Variants in UBL3 observed in about 807,000 individuals in gnomAD.
UBL3 encodes ubiquitin-like protein 3.
UBL3 carries 6 observed loss-of-function variants against 18.4 expected under a neutral mutation model. The observed-to-expected ratio is 0.33, with a 90% confidence interval of 0.18 to 0.64. The LOEUF (loss-of-function observed/expected upper bound fraction) is 0.64. Ranked by LOEUF, UBL3 falls within the 30% of genes least tolerant of loss-of-function variation. UBL3 has a pLI of 0.76. For missense variants in UBL3, 109 were observed against 142.9 expected, an observed-to-expected ratio of 0.76 and a Z score of 1.21; for synonymous variants, 49 against 46.6, an observed-to-expected ratio of 1.05 and a Z score of -0.21.
intron 1 of UBL3, among the ~76,000 whole-genome samples, chr13:29,842,134 CTTTTTTTT>C (rs201006689): frequency 7.0e-5 from 9 of 128,030 alleles, no homozygotes; most frequent in African/African-American, 2.7e-4. Flanking sequence ...CATTCTCTTT[CTTTTTTTT>C]TTTTTTTTTT....
At chr13:29,833,802 A>G (rs1303642052) in intron 1 of UBL3, among the ~76,000 whole-genome samples, 2 of 152,196 alleles carry the variant, frequency 1.3e-5, no homozygotes, top group Admixed American at 6.5e-5. Flanking sequence ...TGTAAACTCT[A>G]TTAGGAGAAG....
intron 1 of UBL3, among the ~76,000 whole-genome samples, chr13:29,834,054 G>T (rs1212896355): frequency 6.6e-6 from 1 of 152,056 alleles, no homozygotes; most frequent in Non-Finnish European, 1.5e-5. Flanking sequence ...GGCACAGGTG[G>T]CGCGTGCCTG....
At chr13:29,836,246 GC>G (rs1249032910) in intron 1 of UBL3, among the ~76,000 whole-genome samples, 1 of 152,136 alleles carries the variant, frequency 6.6e-6, no homozygotes, top group Non-Finnish European at 1.5e-5. Context: ...GGCTGATGGT[GC>G]CATGGTAAGT....
At chr13:29,777,325 C>G (rs111663540) in intron 1 of UBL3, 62 bp from the exon 2 acceptor site, 7 of 1,324,084 alleles carry the variant, frequency 5.3e-6, no homozygotes, top group African/African-American at 4.5e-5. Flanking sequence ...AAAAAGAAGA[C>G]TCAAAGGCTT....
rs117699597 is a variant in UBL3, at chr13:29,776,058, A to G, written c.136+1097T>C. Among the ~76,000 whole-genome samples, 10 of 152,286 alleles carry G rather than the reference A, an allele frequency of 6.6e-5. No individual in the cohort carries two copies. In the East Asian group the frequency reaches 1.4e-3, roughly 21 times the overall value. ...TTGACCTTATAGTAGTTCAGAGAAC[A>G]TAAGAACTGACATGAATTAGAAGTT... On this transcript the variant is annotated intron_variant, in intron 2 of 4. Coordinates refer to ENST00000380680, the MANE Select transcript of UBL3 (RefSeq NM_007106.4).
chr13:29,808,664 TC>T (rs1877957899), intron 1 of UBL3, among the ~76,000 whole-genome samples: 1 of 152,090 alleles, frequency 6.6e-6, no homozygotes, highest in Non-Finnish European at 1.5e-5. Context: ...ATGACTTACC[TC>T]CCAAAGTCAC....
At chr13:29,821,736 G>A (rs1483650510) in intron 1 of UBL3, among the ~76,000 whole-genome samples, 1 of 152,130 alleles carries the variant, frequency 6.6e-6, no homozygotes, top group Non-Finnish European at 1.5e-5. Context: ...GAGACCATAT[G>A]AAAATTTTTT....
At chr13:29,843,371 A>G (rs1050588494) in intron 1 of UBL3, among the ~76,000 whole-genome samples, 9 of 152,214 alleles carry the variant, frequency 5.9e-5, no homozygotes, top group Non-Finnish European at 1.3e-4. Context: ...TGCTATTACT[A>G]TTAACATATT....
At chr13:29,780,276 C>T (rs1877112994) in intron 1 of UBL3, among the ~76,000 whole-genome samples, 1 of 145,070 alleles carries the variant, frequency 6.9e-6, no homozygotes, top group East Asian at 2.1e-4. Flanking sequence ...ATGGCGTGAA[C>T]CTGGGAGGTG....
intron 1 of UBL3, among the ~76,000 whole-genome samples, chr13:29,779,778 C>A (rs1204505127): frequency 6.6e-6 from 1 of 152,156 alleles, no homozygotes; most frequent in Non-Finnish European, 1.5e-5. Context: ...AGAACACATG[C>A]CTATTTGCTA....
At chr13:29,825,877 T>C (rs1334942471) in intron 1 of UBL3, among the ~76,000 whole-genome samples, 2 of 152,176 alleles carry the variant, frequency 1.3e-5, no homozygotes, top group African/African-American at 2.4e-5. Flanking sequence ...CCCATCAATA[T>C]CTAATTTATT....
intron 1 of UBL3, among the ~76,000 whole-genome samples, chr13:29,835,155 T>A (rs185664874): frequency 1.3e-3 from 62 of 46,816 alleles, no homozygotes; most frequent in Non-Finnish European, 1.8e-3. Context: ...TATATATATA[T>A]ATATATATAT....
chr13:29,804,748 G>A (rs1877858719), intron 1 of UBL3, among the ~76,000 whole-genome samples: 3 of 152,258 alleles, frequency 2.0e-5, no homozygotes, highest in East Asian at 1.9e-4. Context: ...ATCGAACCAG[G>A]AAGAAACTGA....
chr13:29,809,252 AG>A (rs1877976703), intron 1 of UBL3, among the ~76,000 whole-genome samples: 1 of 152,134 alleles, frequency 6.6e-6, no homozygotes, highest in Non-Finnish European at 1.5e-5. Context: ...AGGGAGCTTG[AG>A]AAAGGGATAC....
intron 1 of UBL3, among the ~76,000 whole-genome samples, chr13:29,781,103 A>G (rs1388456782): frequency 6.7e-6 from 1 of 150,212 alleles, no homozygotes; most frequent in African/African-American, 2.5e-5. Flanking sequence ...TGAACCCCAG[A>G]GGCAGAGGTT....
chr13:29,774,839 AAAT>A (rs1876938574), intron 2 of UBL3, among the ~76,000 whole-genome samples: 1 of 152,084 alleles, frequency 6.6e-6, no homozygotes, highest in Non-Finnish European at 1.5e-5. Context: ...TAGATGATTT[AAAT>A]AGTGACTTTA....
chr13:29,796,197 G>A (rs561645527), intron 1 of UBL3, among the ~76,000 whole-genome samples: 1 of 151,942 alleles, frequency 6.6e-6, no homozygotes, highest in South Asian at 2.1e-4. Context: ...TTTGTGCCAG[G>A]AGTAGTTTTT....
At chr13:29,810,063 G>A (rs1878002302) in intron 1 of UBL3, among the ~76,000 whole-genome samples, 1 of 152,010 alleles carries the variant, frequency 6.6e-6, no homozygotes, top group South Asian at 2.1e-4. Context: ...AAGGCCCACT[G>A]TATATTTTAG....
intron 1 of UBL3, among the ~76,000 whole-genome samples, chr13:29,793,151 A>G (rs907952570): frequency 6.6e-6 from 1 of 152,212 alleles, no homozygotes; most frequent in African/African-American, 2.4e-5. Flanking sequence ...TAAAGCGCAA[A>G]TTAAAATTGA....
Sources: gnomAD v4.1 joint callset for allele counts (sites outside exome capture counted in the v4.1 genomes callset) on GRCh38, gnomAD v4.1.1 for gene constraint, MANE v1.5 for transcripts, NCBI Gene and HGNC (gene_info 2026-07-23, HGNC 2026-07-21) for gene names.